PYGB: variants seen among roughly 807,000 people sequenced by gnomAD.
PYGB encodes glycogen phosphorylase B, also known as glycogen phosphorylase, brain form.
A neutral mutation model predicts 94.3 loss-of-function variants in PYGB; 82 were observed. The observed-to-expected ratio is 0.87, with a 90% CI of 0.73 to 1.04. The LOEUF (loss-of-function observed/expected upper bound fraction) is 1.04, where lower values mean the gene tolerates loss of function less well. PYGB is among the 50% of genes least tolerant of loss of function. PYGB has a pLI of 0.00. For missense variants in PYGB, 1,132 were observed against 1,158.2 expected (o/e 0.98, Z 0.33); for synonymous variants, 488 against 479.1 (o/e 1.02, Z -0.24).
At chr20:25,294,512 C>T (rs1309619875) in intron 18 of PYGB, among the ~76,000 whole-genome samples, 2 of 152,244 alleles carry the variant, frequency 1.3e-5, no homozygotes, top group African/African-American at 4.8e-5. Context: ...CAGCGAGACA[C>T]AGCAGCACAG....
chr20:25,283,237 G>C lies in PYGB; in HGVS notation c.1580G>C (p.Ser527Thr). 6.2e-7 allele frequency: 1 copy of C among 1,613,890 alleles called. No homozygotes were observed. The highest frequency in any genetic ancestry group is 8.5e-7 in the Non-Finnish European group (1 of 1,179,904). ...SQLKKLLPLV[S>T]DEVFIRDVAK... ...CTGAAGAAGCTGCTGCCGCTGGTCA[G>C]TGACGAGGTGTTCATCAGGGACGTG... The change falls in exon 13 of 20, where the codon AGT (serine) becomes ACT (threonine). Residue 527 changes from serine (S) to threonine (T), a missense_variant. By Grantham distance (58) the Ser-to-Thr change is moderately conservative. Transcript: ENST00000216962.
At position 25,264,472 on chromosome 20, in the gene PYGB, A is replaced by G. The variant is rs1051933162; in HGVS notation, c.346-4657A>G. Among the ~76,000 whole-genome samples, 4 of 152,338 alleles carry G rather than the reference A, an allele frequency of 2.6e-5. No individual in the cohort carries two copies. The South Asian group carries it at 8.3e-4, about 32-fold the overall frequency. On this transcript the variant is annotated intron_variant, in intron 2 of 19. Coordinates refer to ENST00000216962, the MANE Select transcript of PYGB (RefSeq NM_002862.4). ...ATAAAGGGTATTCAGTGAGGAAAAG[A>G]GGAAGTCAAATTGTCCCTGTTTGCT...
chr20:25,262,932 T>G (rs1291015506), intron 2 of PYGB, among the ~76,000 whole-genome samples: 1 of 152,172 alleles, frequency 6.6e-6, no homozygotes, highest in Non-Finnish European at 1.5e-5. Context: ...TAAATACATA[T>G]GCACCCAATA....
chr20:25,294,017 GGCT>G, intron 17 of PYGB, 138 bp from the exon 18 acceptor site: 1 of 1,166,054 alleles, frequency 8.6e-7, no homozygotes, highest in East Asian at 2.6e-5. Flanking sequence ...CATGGCCACT[GGCT>G]GCTGCCCTGG....
At chr20:25,270,965 C>T (rs532123307) in intron 3 of PYGB, among the ~76,000 whole-genome samples, 3 of 152,156 alleles carry the variant, frequency 2.0e-5, no homozygotes, top group African/African-American at 4.8e-5. Context: ...ACTGCTGTGC[C>T]GGCTTCACTC....
At chr20:25,288,400 T>A (rs1398854451) in intron 14 of PYGB, 25 bp from the exon 15 acceptor site, 2 of 1,614,096 alleles carry the variant, frequency 1.2e-6, no homozygotes, top group Non-Finnish European at 8.5e-7. Context: ...GTGCCTTGTG[T>A]GAGTCTCTTC....
At chr20:25,263,400 A>G (rs552006008) in intron 2 of PYGB, among the ~76,000 whole-genome samples, 1 of 152,348 alleles carries the variant, frequency 6.6e-6, no homozygotes, top group South Asian at 2.1e-4. Flanking sequence ...CAAACATTCA[A>G]AAGCTAGCAG....
intron 17 of PYGB, 110 bp downstream of exon 17, chr20:25,292,723 A>G (rs2088480668): frequency 7.4e-7 from 1 of 1,358,360 alleles, no homozygotes; most frequent in Non-Finnish European, 1.0e-6. Flanking sequence ...ACTGTGTGCT[A>G]GGGTCAGTGC....
At chr20:25,280,832 C>A in intron 10 of PYGB, 117 bp from the exon 11 acceptor site, 1 of 1,362,056 alleles carries the variant, frequency 7.3e-7, no homozygotes, top group Non-Finnish European at 1.0e-6. Flanking sequence ...CCAGAACTTC[C>A]CTGGAGGCAG....
chr20:25,280,911 C>T, intron 10 of PYGB, 38 bp from the exon 11 acceptor site: 3 of 1,607,082 alleles, frequency 1.9e-6, no homozygotes, highest in Non-Finnish European at 2.5e-6. Context: ...CGTGGGGCCT[C>T]CTGTGCCCAC....
chr20:25,259,162 G>A, intron 1 of PYGB, 75 bp from the exon 2 acceptor site: 1 of 1,288,072 alleles, frequency 7.8e-7, no homozygotes, highest in Non-Finnish European at 1.1e-6. Flanking sequence ...TGGCTTCATG[G>A]GTCGTGTCAT....
chr20:25,257,430 G>C (rs2092904813), intron 1 of PYGB, among the ~76,000 whole-genome samples: 1 of 152,222 alleles, frequency 6.6e-6, no homozygotes, highest in Non-Finnish European at 1.5e-5. Flanking sequence ...TACAAACAGA[G>C]ATAATCAAGC....
chr20:25,278,198 C>A, intron 7 of PYGB, 121 bp from the exon 8 acceptor site: 3 of 1,154,298 alleles, frequency 2.6e-6, no homozygotes, highest in Non-Finnish European at 3.5e-6. Context: ...CAGTGTCAGG[C>A]AGCTGGGCTG....
chr20:25,268,463 A>C (rs1182658425), intron 2 of PYGB, among the ~76,000 whole-genome samples: 2 of 151,682 alleles, frequency 1.3e-5, no homozygotes, highest in Non-Finnish European at 2.9e-5. Flanking sequence ...AAATGAATTC[A>C]TATGTATACT....
intron 6 of PYGB, 142 bp from the exon 7 acceptor site, chr20:25,277,102 G>A: frequency 3.0e-6 from 2 of 673,014 alleles, no homozygotes; most frequent in Non-Finnish European, 5.3e-6. Context: ...TCCAGGGATG[G>A]GGGTGAGGGG....
At position 25,264,814 on chromosome 20, in the gene PYGB, A is replaced by G. The variant is rs111276237; in HGVS notation, c.346-4315A>G. Among the ~76,000 whole-genome samples the G allele has an allele frequency of 6.6e-3, 1,010 of 152,318 alleles. 15 individuals are homozygous for G. The highest frequency in any genetic ancestry group is 0.023 in the African/African-American group (967 of 41,566). The stretch of plus-strand genomic sequence containing the variant: ...ATGGAAGAACATTCCATGCTCATGG[A>G]TAGGAAGAATCAATATCTTGAAAAT... On this transcript the variant is annotated intron_variant, in intron 2 of 19. Coordinates refer to ENST00000216962, the MANE Select transcript of PYGB (RefSeq NM_002862.4).
chr20:25,262,464 G>A (rs1163540661), intron 2 of PYGB, among the ~76,000 whole-genome samples: 1 of 152,168 alleles, frequency 6.6e-6, no homozygotes, highest in Non-Finnish European at 1.5e-5. Flanking sequence ...CTCTAAAAGA[G>A]CTCCTGAAGG....
Position 25,296,549 on chromosome 20 carries a change from G to A in PYGB, c.*27G>A, listed in dbSNP as rs202098395. The A allele has an allele frequency of 2.8e-5, 45 of 1,590,940 alleles. No individual in the cohort carries two copies. The highest frequency in any genetic ancestry group is 1.3e-4 in the East Asian group (6 of 44,462). Reference sequence around the variant, plus strand: ...CACACCCTGCCTTGGCGGGACCAGCGGGCATTTGTTTTCTTGCTGACTTTG... The same window carrying A: ...CACACCCTGCCTTGGCGGGACCAGCAGGCATTTGTTTTCTTGCTGACTTTG... On this transcript the variant is annotated 3_prime_UTR_variant, in exon 20 of 20. Coordinates refer to ENST00000216962, the MANE Select transcript of PYGB (RefSeq NM_002862.4).
intron 18 of PYGB, chr20:25,294,735 C>G: frequency 1.6e-6 from 1 of 625,142 alleles, no homozygotes; most frequent in South Asian, 1.8e-5. Flanking sequence ...ATTTCACTTG[C>G]AACGATGTGA....
Sources: gnomAD v4.1 joint callset for allele counts (sites outside exome capture counted in the v4.1 genomes callset) on GRCh38, gnomAD v4.1.1 for gene constraint, MANE v1.5 for transcripts, NCBI Gene and HGNC (gene_info 2026-07-23, HGNC 2026-07-21) for gene names.